Variants in CLMP observed in about 807,000 individuals in gnomAD.
CLMP encodes the protein CXADR like cell adhesion molecule.
Under a neutral mutation model 45.2 loss-of-function variants are expected in CLMP, and 27 were observed. The ratio of observed to expected loss-of-function variants is 0.60; its 90% CI spans 0.44 to 0.82. The LOEUF is 0.82. Among genes scored for constraint, CLMP ranks in the 40% least tolerant of loss-of-function variants. CLMP has a pLI of 0.00. For missense variants in CLMP, 403 were observed against 448.4 expected, an observed-to-expected ratio of 0.90 and a Z score of 0.91; for synonymous variants, 167 against 171.4, an observed-to-expected ratio of 0.97 and a Z score of 0.20.
intron 1 of CLMP, chr11:123,193,194 C>T (rs1208072698): frequency 2.0e-5 from 3 of 152,214 alleles, no homozygotes; most frequent in African/African-American, 7.2e-5. Context: ...ATTCCGTCTC[C>T]CCTAATTATG....
chr11:123,178,586 T>G (rs1426461140), intron 1 of CLMP, among the ~76,000 whole-genome samples: 1 of 152,196 alleles, frequency 6.6e-6, no homozygotes, highest in African/African-American at 2.4e-5. Context: ...ACATATTGAG[T>G]GCCTGGGACA....
chr11:123,084,822 C>G, intron 2 of CLMP, 109 bp from the exon 3 acceptor site: 2 of 893,964 alleles, frequency 2.2e-6, no homozygotes, highest in Non-Finnish European at 3.5e-6. Context: ...AGTAGTCAAG[C>G]CTGGGGCTGA....
chr11:123,137,161 T>C (rs1005168562), intron 1 of CLMP, among the ~76,000 whole-genome samples: 6 of 136,698 alleles, frequency 4.4e-5, no homozygotes, highest in Admixed American at 1.5e-4. Flanking sequence ...TTTTTTTTTT[T>C]TTTTTTTTTT....
Position 123,194,996 on chromosome 11 carries a change from G to T in CLMP, c.-56C>A, listed in dbSNP as rs1326603566. ...TCAGCTGCTGCTTGGCTCCGGGGCG[G>T]CCGGGCGCCTCCGACGGACCTCGGG... On this transcript the variant is annotated 5_prime_UTR_variant, in exon 1 of 7. Transcript: ENST00000448775. 6.3e-7 allele frequency: 1 copy of T among 1,576,116 alleles called. No individual in the cohort carries two copies. The highest frequency in any genetic ancestry group is 8.6e-7 in the Non-Finnish European group (1 of 1,160,174).
chr11:123,158,789 C>G (rs1260162705), intron 1 of CLMP, among the ~76,000 whole-genome samples: 1 of 152,156 alleles, frequency 6.6e-6, no homozygotes, highest in African/African-American at 2.4e-5. Context: ...TTTCTTCACC[C>G]CTGTGAGCCC....
chr11:123,084,836 T>A, intron 2 of CLMP, 123 bp from the exon 3 acceptor site: 2 of 733,298 alleles, frequency 2.7e-6, no homozygotes, highest in African/African-American at 1.8e-5. Context: ...GGGCTGAGAG[T>A]CCAAGAGACC....
At chr11:123,149,767 TTTTCTTTC>T (rs373162321) in intron 1 of CLMP, among the ~76,000 whole-genome samples, 2 of 143,388 alleles carry the variant, frequency 1.4e-5, no homozygotes, top group African/African-American at 2.8e-5. Flanking sequence ...CCTCAAAAGG[TTTTCTTTC>T]TTTCTTTCTT....
chr11:123,148,694 C>T (rs1861271632), intron 1 of CLMP, among the ~76,000 whole-genome samples: 1 of 152,164 alleles, frequency 6.6e-6, no homozygotes, highest in Non-Finnish European at 1.5e-5. Context: ...ATGTCAACCC[C>T]CCTAAACTTC....
intron 1 of CLMP, among the ~76,000 whole-genome samples, chr11:123,137,676 G>C (rs1179942649): frequency 1.3e-5 from 2 of 152,024 alleles, no homozygotes; most frequent in African/African-American, 4.8e-5. Flanking sequence ...ATAGAAAGGG[G>C]AAGGCTGAGC....
chr11:123,184,829 C>T (rs953504049), intron 1 of CLMP, among the ~76,000 whole-genome samples: 1 of 152,210 alleles, frequency 6.6e-6, no homozygotes, highest in Non-Finnish European at 1.5e-5. Context: ...CTCATTCATT[C>T]ATTTGGCAGG....
chr11:123,119,057 C>T (rs1591465782), intron 1 of CLMP, among the ~76,000 whole-genome samples: 1 of 34,092 alleles, frequency 2.9e-5, no homozygotes, highest in African/African-American at 2.5e-4. Context: ...CTCTCCCTCT[C>T]TCTCTCTCTC....
At chr11:123,151,302 C>G (rs557564900) in intron 1 of CLMP, among the ~76,000 whole-genome samples, 34 of 152,348 alleles carry the variant, frequency 2.2e-4, no homozygotes, top group African/African-American at 8.2e-4. Context: ...ATGGAAATGG[C>G]TGTCACCTGA....
chr11:123,125,259 C>CGG (rs1860872174), intron 1 of CLMP, among the ~76,000 whole-genome samples: 1 of 152,136 alleles, frequency 6.6e-6, no homozygotes, highest in Non-Finnish European at 1.5e-5. Flanking sequence ...TGGGCTATGT[C>CGG]CCAAATCTCC....
chr11:123,130,376 A>G (rs10790554), intron 1 of CLMP, among the ~76,000 whole-genome samples: 48,317 of 152,046 alleles, frequency 0.32, 8,016 homozygotes, highest in African/African-American at 0.38. Context: ...CAGGACCATC[A>G]AGGCTTTGCC....
chr11:123,151,914 C>T (rs1861341346), intron 1 of CLMP, among the ~76,000 whole-genome samples: 1 of 152,162 alleles, frequency 6.6e-6, no homozygotes, highest in South Asian at 2.1e-4. Context: ...GCTTTTATCA[C>T]TTCACTCCTG....
chr11:123,140,785 A>G (rs1861143535), intron 1 of CLMP, among the ~76,000 whole-genome samples: 1 of 151,856 alleles, frequency 6.6e-6, no homozygotes, highest in Non-Finnish European at 1.5e-5. Flanking sequence ...ACCTATCCAT[A>G]CCCCCGATAT....
intron 1 of CLMP, among the ~76,000 whole-genome samples, chr11:123,160,772 G>A (rs2135533149): frequency 6.6e-6 from 1 of 152,212 alleles, no homozygotes; most frequent in East Asian, 1.9e-4. Flanking sequence ...GAGGTCAGGA[G>A]TTCAAGACCA....
intron 2 of CLMP, among the ~76,000 whole-genome samples, chr11:123,095,153 G>A (rs1047386812): frequency 6.6e-6 from 1 of 152,120 alleles, no homozygotes; most frequent in South Asian, 2.1e-4. Context: ...CATATCAAGG[G>A]CTTTTTGAAA....
chr11:123,080,372 A>G (rs564972234), intron 5 of CLMP, among the ~76,000 whole-genome samples: 26 of 142,530 alleles, frequency 1.8e-4, no homozygotes, highest in Admixed American at 9.0e-4. Context: ...CTTGTTGCCC[A>G]GGCTGGAGTG....
Sources: gnomAD v4.1 joint callset for allele counts (sites outside exome capture counted in the v4.1 genomes callset) on GRCh38, gnomAD v4.1.1 for gene constraint, MANE v1.5 for transcripts, NCBI Gene and HGNC (gene_info 2026-07-23, HGNC 2026-07-21) for gene names.